The following CPAP variants were observed in gnomAD, a reference collection of about 807,000 sequenced individuals.
The protein encoded by CPAP is centrosomal P4.1-associated protein.
the CPAP span, chr13:24,884,393 G>GCACT: frequency 6.2e-7 from 1 of 1,613,932 alleles, no homozygotes; most frequent in Middle Eastern, 1.6e-4. Flanking sequence ...CTTCCCATCT[G>GCACT]CACTCACTTC....
chr13:24,930,479 TAGTCCCC>T, the CPAP span, among the ~76,000 whole-genome samples: 3 of 152,144 alleles, frequency 2.0e-5, no homozygotes, highest in Non-Finnish European at 4.4e-5. Context: ...CCCTGTCTAG[TAGTCCCC>T]AGTGTCTATT....
chr13:24,895,546 G>A, the CPAP span, among the ~76,000 whole-genome samples: 1 of 152,106 alleles, frequency 6.6e-6, no homozygotes, highest in Non-Finnish European at 1.5e-5. Context: ...GACAGCGTGA[G>A]ACTCCGTCAA....
At chr13:24,883,212 T>C in the CPAP span, 1 of 1,614,070 alleles carries the variant, frequency 6.2e-7, no homozygotes, top group East Asian at 2.2e-5. Flanking sequence ...TTACCCTCCT[T>C]GTCCTTAACT....
the CPAP span, among the ~76,000 whole-genome samples, chr13:24,894,923 A>T: frequency 4.0e-5 from 6 of 151,756 alleles, no homozygotes; most frequent in Admixed American, 3.3e-4. Context: ...CCGGGAGGGG[A>T]AACTGGCAGG....
At chr13:24,884,422 A>AAAC in the CPAP span, 2 of 1,614,090 alleles carry the variant, frequency 1.2e-6, no homozygotes, top group Non-Finnish European at 1.7e-6. Flanking sequence ...TTCCATTGGG[A>AAAC]AACAGTATAA....
At chr13:24,905,285 C>G in the CPAP span, 1 of 1,455,268 alleles carries the variant, frequency 6.9e-7, no homozygotes, top group Non-Finnish European at 9.6e-7. Flanking sequence ...ATTCTGACAG[C>G]ATACTGATTA....
At chr13:24,883,501 A>G in the CPAP span, 1 of 669,800 alleles carries the variant, frequency 1.5e-6, no homozygotes, top group South Asian at 2.0e-5. Flanking sequence ...ATCCCTATAC[A>G]ATTGTAACTT....
At chr13:24,921,579 C>T in the CPAP span, among the ~76,000 whole-genome samples, 2 of 152,076 alleles carry the variant, frequency 1.3e-5, no homozygotes, top group African/African-American at 4.8e-5. Flanking sequence ...AAAACTTTTT[C>T]TAAGCAAATT....
the CPAP span, among the ~76,000 whole-genome samples, chr13:24,895,170 G>C: frequency 6.6e-6 from 1 of 152,262 alleles, no homozygotes; most frequent in South Asian, 2.1e-4. Flanking sequence ...CTCCGCACCT[G>C]CGGAAGGCGC....
At chr13:24,932,875 C>T in the CPAP span, 21 of 631,326 alleles carry the variant, frequency 3.3e-5, no homozygotes, top group South Asian at 4.1e-4. Context: ...ACAATGTGTT[C>T]AATTTACAAC....
At chr13:24,930,500 G>A in the CPAP span, among the ~76,000 whole-genome samples, 1 of 151,850 alleles carries the variant, frequency 6.6e-6, no homozygotes, top group African/African-American at 2.4e-5. Flanking sequence ...GTCTATTGTT[G>A]CCATCTTTAT....
At chr13:24,933,758 T>G in the CPAP span, among the ~76,000 whole-genome samples, 1 of 151,816 alleles carries the variant, frequency 6.6e-6, no homozygotes, top group Admixed American at 6.6e-5. Flanking sequence ...GGAGTCTCAC[T>G]CTGTTGCCCA....
At chr13:24,925,144 ATTAT>A in the CPAP span, among the ~76,000 whole-genome samples, 7 of 151,706 alleles carry the variant, frequency 4.6e-5, no homozygotes, top group East Asian at 7.7e-4. Flanking sequence ...ATTCTTTTTC[ATTAT>A]TTATTTTTTT....
At chr13:24,929,706 GC>G in the CPAP span, among the ~76,000 whole-genome samples, 2 of 152,014 alleles carry the variant, frequency 1.3e-5, no homozygotes, top group Non-Finnish European at 2.9e-5. Context: ...CACTCTTCCT[GC>G]CCTTTTTACC....
the CPAP span, among the ~76,000 whole-genome samples, chr13:24,888,599 T>C: frequency 2.1e-4 from 32 of 152,182 alleles, no homozygotes; most frequent in Non-Finnish European, 4.3e-4. Context: ...GGTACAACCA[T>C]GTTGCAGAGC....
the CPAP span, among the ~76,000 whole-genome samples, chr13:24,893,448 GGGCACC>G: frequency 6.6e-5 from 10 of 152,378 alleles, no homozygotes; most frequent in East Asian, 1.9e-3. Context: ...GGAAGGAGCA[GGGCACC>G]GAAGCCCATC....
At chr13:24,895,739 T>C in the CPAP span, among the ~76,000 whole-genome samples, 6 of 152,332 alleles carry the variant, frequency 3.9e-5, no homozygotes, top group African/African-American at 1.4e-4. Flanking sequence ...CTGGTCAAGT[T>C]GGGACCACTT....
chr13:24,910,055 C>A, the CPAP span: 110 of 1,613,404 alleles, frequency 6.8e-5, no homozygotes, highest in Admixed American at 1.5e-3. Context: ...ACCTGTGCTT[C>A]TGGCTCTGAT....
chr13:24,933,390 G>A, the CPAP span: 29 of 316,256 alleles, frequency 9.2e-5, no homozygotes, highest in Middle Eastern at 9.9e-4. Flanking sequence ...TATTACTAGA[G>A]CACAGCCAAA....
Sources: allele counts gnomAD v4.1 joint callset (sites outside exome capture counted in the v4.1 genomes callset), GRCh38; gene constraint gnomAD v4.1.1; transcripts MANE v1.5; gene names NCBI Gene and HGNC (gene_info 2026-07-23, HGNC 2026-07-21).